Variants in CERS6 observed in about 807,000 individuals in gnomAD.
CERS6 encodes LAG1 homolog, ceramide synthase 6.
CERS6 carries 26 observed loss-of-function variants against 56.8 expected under a neutral mutation model. The ratio of observed to expected loss-of-function variants is 0.46; its 90% CI spans 0.34 to 0.63. The LOEUF is 0.63. CERS6 is among the 30% of genes least tolerant of loss of function. The pLI, the probability that CERS6 is intolerant of heterozygous loss-of-function variation, is 0.01. For missense variants in CERS6, 415 were observed against 467.5 expected (o/e 0.89, Z 1.04); for synonymous variants, 164 against 173.3 (o/e 0.95, Z 0.42).
intron 1 of CERS6, among the ~76,000 whole-genome samples, chr2:168,477,216 A>AGAGAGAGT (rs1553483345): frequency 7.8e-6 from 1 of 128,190 alleles, no homozygotes; most frequent in Non-Finnish European, 1.7e-5. Context: ...AGAGAGAGAG[A>AGAGAGAGT]GAGTCTCATA....
At chr2:168,539,659 T>C (rs956569927) in intron 1 of CERS6, among the ~76,000 whole-genome samples, 1 of 152,214 alleles carries the variant, frequency 6.6e-6, no homozygotes, top group African/African-American at 2.4e-5. Context: ...GCTTTCAAAA[T>C]CAGTCTATAT....
At chr2:168,744,376 T>A (rs563868991) in intron 8 of CERS6, among the ~76,000 whole-genome samples, 2,069 of 152,232 alleles carry the variant, frequency 0.014, 40 homozygotes, top group African/African-American at 0.044. Flanking sequence ...TACACCTTTT[T>A]TTTTTCAGGC....
intron 1 of CERS6, among the ~76,000 whole-genome samples, chr2:168,460,817 A>C (rs1273659048): frequency 6.6e-6 from 1 of 152,052 alleles, no homozygotes; most frequent in Non-Finnish European, 1.5e-5. Context: ...CTGACAGCAA[A>C]GTCTGGCTTC....
At chr2:168,461,114 C>T (rs887096131) in intron 1 of CERS6, among the ~76,000 whole-genome samples, 2 of 152,104 alleles carry the variant, frequency 1.3e-5, no homozygotes, top group African/African-American at 4.8e-5. Flanking sequence ...ATTTGTTCCT[C>T]AGTGTTCCTA....
intron 8 of CERS6, among the ~76,000 whole-genome samples, chr2:168,725,411 C>T (rs535005721): frequency 9.8e-5 from 15 of 152,386 alleles, no homozygotes; most frequent in South Asian, 8.3e-4. Flanking sequence ...GCACAGGAGG[C>T]GCCGAGAGCG....
intron 4 of CERS6, among the ~76,000 whole-genome samples, chr2:168,676,887 G>A (rs1031431790): frequency 6.6e-6 from 1 of 151,884 alleles, no homozygotes; most frequent in Non-Finnish European, 1.5e-5. Context: ...CCTTCTAATC[G>A]CGACTGTCTG....
chr2:168,635,740 G>A (rs1684847115), intron 4 of CERS6, among the ~76,000 whole-genome samples: 1 of 152,170 alleles, frequency 6.6e-6, no homozygotes, highest in South Asian at 2.1e-4. Context: ...TTGTGGTTGA[G>A]AGTGCCCCGT....
At chr2:168,727,936 A>G (rs1475290116) in intron 8 of CERS6, among the ~76,000 whole-genome samples, 2 of 152,240 alleles carry the variant, frequency 1.3e-5, no homozygotes, top group African/African-American at 4.8e-5. Context: ...ATACCTTCAC[A>G]GGATGTGAAA....
At position 168,773,146 on chromosome 2, in the gene CERS6, T is replaced by C. The variant is rs1340849463; in HGVS notation, c.*3484T>C. The C allele has an allele frequency of 6.6e-6, 1 of 152,238 alleles. No individual in the cohort carries two copies. The highest frequency in any genetic ancestry group is 1.5e-5 in the Non-Finnish European group (1 of 68,044). 9.4% of individuals were successfully genotyped at this position (152,238 alleles called of 1,614,324 possible). A position where few individuals can be genotyped will look rare whatever the true frequency, so the allele number is the denominator to read the frequency against. On this transcript the variant is annotated 3_prime_UTR_variant, in exon 10 of 10. Coordinates refer to ENST00000305747, the MANE Select transcript of CERS6 (RefSeq NM_203463.3). ...AGAGAGCTTTATAGACACCCACAAT[T>C]GTCCCCAATCTCTTCATGATGTTGC... is the stretch of plus-strand genomic sequence containing the variant.
At chr2:168,502,005 G>C (rs188013991) in intron 1 of CERS6, among the ~76,000 whole-genome samples, 5 of 152,208 alleles carry the variant, frequency 3.3e-5, no homozygotes, top group East Asian at 3.9e-4. Context: ...ATGAAATCAA[G>C]TTGCCAGATA....
At chr2:168,662,810 G>A (rs189110226) in intron 4 of CERS6, among the ~76,000 whole-genome samples, 301 of 152,320 alleles carry the variant, frequency 2.0e-3, no homozygotes, top group Non-Finnish European at 3.3e-3. Context: ...TTCCCACAGC[G>A]TACAATATGT....
At chr2:168,751,042 A>T (rs1468912811) in intron 8 of CERS6, among the ~76,000 whole-genome samples, 1 of 152,210 alleles carries the variant, frequency 6.6e-6, no homozygotes, top group African/African-American at 2.4e-5. Flanking sequence ...CATGCTATAG[A>T]TGCAAAACAT....
At chr2:168,690,428 A>G (rs1413502889) in intron 4 of CERS6, among the ~76,000 whole-genome samples, 2 of 152,140 alleles carry the variant, frequency 1.3e-5, no homozygotes, top group Non-Finnish European at 2.9e-5. Context: ...GATTTTCCTA[A>G]TCATACTGTG....
intron 2 of CERS6, among the ~76,000 whole-genome samples, chr2:168,550,368 G>A (rs561232339): frequency 6.6e-6 from 1 of 152,078 alleles, no homozygotes; most frequent in Non-Finnish European, 1.5e-5. Flanking sequence ...TGGAGAGATA[G>A]GGCCTCACTA....
At chr2:168,708,092 T>G (rs1301123485) in intron 6 of CERS6, among the ~76,000 whole-genome samples, 2 of 152,150 alleles carry the variant, frequency 1.3e-5, no homozygotes, top group African/African-American at 4.8e-5. Context: ...ATCCTGATCA[T>G]CAGGACTTTA....
At chr2:168,605,232 T>C (rs1684025718) in intron 3 of CERS6, among the ~76,000 whole-genome samples, 1 of 152,176 alleles carries the variant, frequency 6.6e-6, no homozygotes, top group African/African-American at 2.4e-5. Flanking sequence ...CTTTGAGGCA[T>C]TGTGATGCTG....
intron 1 of CERS6, among the ~76,000 whole-genome samples, chr2:168,473,400 A>G (rs1018399632): frequency 6.6e-6 from 1 of 152,198 alleles, no homozygotes; most frequent in Non-Finnish European, 1.5e-5. Flanking sequence ...AGGGCACAAC[A>G]ACATTCTTCC....
At position 168,596,546 on chromosome 2, in the gene CERS6, T is replaced by TCC. The variant is rs368692828; in HGVS notation, c.408-34431_408-34430dup. On this transcript the variant is annotated intron_variant, in intron 3 of 9. Coordinates refer to ENST00000305747, the MANE Select transcript of CERS6 (RefSeq NM_203463.3). ...ATTAAATCATTGTTTCAGGGCCCCA[T>TCC]CCCCCCCCCTTTTTTTTTTTTTTTT... is the stretch of plus-strand genomic sequence containing the variant. Among the ~76,000 whole-genome samples the TCC allele has an allele frequency of 4.2e-3, 442 of 106,216 alleles. 2 individuals are homozygous for TCC. Among genetic ancestry groups the TCC allele is most frequent in the African/African-American group, 0.011 (331 of 29,008 alleles). The allele number at this position is 106,216 out of a possible 152,430, so 69.7% of individuals were successfully genotyped here. A position where few individuals can be genotyped will look rare whatever the true frequency, so the allele number is the denominator to read the frequency against.
chr2:168,746,775 G>A (rs1175013562), intron 8 of CERS6, among the ~76,000 whole-genome samples: 2 of 38,992 alleles, frequency 5.1e-5, no homozygotes, highest in Non-Finnish European at 1.1e-4. Context: ...AGGGTAAAGG[G>A]TATATATATA....
Sources: gnomAD v4.1 joint callset for allele counts (sites outside exome capture counted in the v4.1 genomes callset) on GRCh38, gnomAD v4.1.1 for gene constraint, MANE v1.5 for transcripts, NCBI Gene and HGNC (gene_info 2026-07-23, HGNC 2026-07-21) for gene names.